Variants in BEND7 observed in about 807,000 individuals in gnomAD.
BEND7 encodes BEN domain containing 7, also known as BEN domain-containing protein 7.
In BEND7, 28 loss-of-function variants were observed where a neutral mutation model predicts 50.9. The observed-to-expected ratio is 0.55, with a 90% CI of 0.41 to 0.75. The LOEUF is 0.75. Among genes scored for constraint, BEND7 ranks in the 30% least tolerant of loss-of-function variants. The pLI is 0.00. For missense variants in BEND7, 477 were observed against 491.3 expected, an observed-to-expected ratio of 0.97 and a Z score of 0.28; for synonymous variants, 170 against 183.9, an observed-to-expected ratio of 0.92 and a Z score of 0.61.
intron 6 of BEND7, among the ~76,000 whole-genome samples, chr10:13,463,503 T>C (rs141037992): frequency 1.3e-4 from 20 of 152,182 alleles, no homozygotes; most frequent in African/African-American, 4.8e-4. Context: ...TATGAATCAG[T>C]CAAAAATGGA....
downstream of BEND7, chr10:13,438,811 A>T (rs569293285): frequency 1.8e-5 from 4 of 223,716 alleles, no homozygotes; most frequent in African/African-American, 4.6e-5. Context: ...AGAGCGCTGT[A>T]AAAGGCTCCT....
upstream of BEND7, among the ~76,000 whole-genome samples, chr10:13,529,448 TAGA>T (rs1271547310): frequency 1.3e-5 from 2 of 152,128 alleles, no homozygotes; most frequent in African/African-American, 2.4e-5. Context: ...GCGCTCTCTC[TAGA>T]AGGACAGAGA....
chr10:13,498,071 C>CTTTT (rs67255529), intron 3 of BEND7, among the ~76,000 whole-genome samples: 27 of 109,856 alleles, frequency 2.5e-4, no homozygotes, highest in African/African-American at 4.1e-4. Flanking sequence ...ATTTCTTTTT[C>CTTTT]TTTTTTTTTT....
At chr10:13,500,454 T>C in intron 2 of BEND7, 45 of 965,832 alleles carry the variant, frequency 4.7e-5, no homozygotes, top group Non-Finnish European at 5.6e-5. Context: ...CCCTCTGCTC[T>C]GATGGGCCAC....
chr10:13,450,216 T>G (rs1263755133), intron 7 of BEND7, among the ~76,000 whole-genome samples: 1 of 152,238 alleles, frequency 6.6e-6, no homozygotes, highest in African/African-American at 2.4e-5. Context: ...AGTGCAGGCT[T>G]CCTTAAGTGG....
intron 2 of BEND7, among the ~76,000 whole-genome samples, chr10:13,523,039 C>T (rs1304735133): frequency 6.6e-6 from 1 of 152,224 alleles, no homozygotes; most frequent in East Asian, 1.9e-4. Context: ...GTCCTGTCTC[C>T]TCCCCAGCTG....
At chr10:13,478,181 G>A (rs1334979314) in intron 6 of BEND7, among the ~76,000 whole-genome samples, 1 of 152,128 alleles carries the variant, frequency 6.6e-6, no homozygotes, top group African/African-American at 2.4e-5. Flanking sequence ...AATCTCTCTG[G>A]GTGTGGTGTC....
chr10:13,525,617 T>C lies in BEND7; in HGVS notation c.145+521A>G, dbSNP rs72785340. Among the ~76,000 whole-genome samples the C allele has an allele frequency of 8.4e-3, 1,273 of 152,308 alleles. 6 individuals are homozygous for C. Among genetic ancestry groups the C allele is most frequent in the Non-Finnish European group, 0.013 (883 of 68,028 alleles). On this transcript the variant is annotated intron_variant, in intron 2 of 8. Coordinates refer to ENST00000466271, the MANE Select transcript of BEND7 (RefSeq NM_001369863.1). ...CACACTTTTATTTTCCTTATGCTTT[T>C]TGACTGTAGATTTAATTTAATTTTG...
intron 6 of BEND7, among the ~76,000 whole-genome samples, chr10:13,474,425 TC>T (rs1429651394): frequency 6.6e-6 from 1 of 152,146 alleles, no homozygotes. Flanking sequence ...ACTGTTAGAC[TC>T]GGGGCCGATA....
intron 6 of BEND7, among the ~76,000 whole-genome samples, chr10:13,478,054 A>G (rs892641592): frequency 1.1e-4 from 16 of 152,196 alleles, no homozygotes; most frequent in Admixed American, 1.0e-3. Flanking sequence ...AGAAGCATAT[A>G]TACCCTCTTT....
intron 2 of BEND7, among the ~76,000 whole-genome samples, chr10:13,505,887 T>TA (rs1381987206): frequency 6.6e-6 from 1 of 151,936 alleles, no homozygotes; most frequent in Non-Finnish European, 1.5e-5. Flanking sequence ...CTTAAGTAAT[T>TA]AAAAAAACCC....
At chr10:13,488,574 G>C (rs371874831) in intron 5 of BEND7, among the ~76,000 whole-genome samples, 2 of 152,000 alleles carry the variant, frequency 1.3e-5, no homozygotes, top group African/African-American at 4.8e-5. Context: ...TGCAATCTTC[G>C]ACTCCCGGGT....
chr10:13,472,093 C>T (rs185635094), intron 6 of BEND7, among the ~76,000 whole-genome samples: 2 of 150,524 alleles, frequency 1.3e-5, no homozygotes, highest in East Asian at 4.0e-4. Context: ...GACTCGGGGT[C>T]GATACCCGTC....
chr10:13,500,541 C>T (rs1367793050), intron 2 of BEND7: 1 of 990,592 alleles, frequency 1.0e-6, no homozygotes, highest in Non-Finnish European at 1.2e-6. Flanking sequence ...GGGGCAAGGA[C>T]AAGGAAGAAA....
chr10:13,492,648 A>G lies in BEND7; in HGVS notation c.800T>C (p.Leu267Pro), dbSNP rs1254840361. 3.1e-6 allele frequency: 5 copies of G among 1,613,994 alleles called. No homozygotes were observed. In the African/African-American group the frequency reaches 6.7e-5, roughly 22 times the overall value. Reference sequence around the variant, plus strand: ...TGATTCCAGAACAATGCCGAATCCTAGAACGCGGCTCTCCTCCGGGGAGGT... The same window carrying G: ...TGATTCCAGAACAATGCCGAATCCTGGAACGCGGCTCTCCTCCGGGGAGGT... ...EHTSPEESRV[L>P]GFGIVLESPS... Residue 267 changes from leucine (L) to proline (P), a missense_variant, in exon 5 of 9, where the codon CTA (leucine) becomes CCA (proline). Transcript: ENST00000466271.
At chr10:13,454,959 G>A (rs1462157791) in intron 6 of BEND7, among the ~76,000 whole-genome samples, 2 of 151,896 alleles carry the variant, frequency 1.3e-5, no homozygotes, top group African/African-American at 4.8e-5. Flanking sequence ...ATCACTTGAG[G>A]TCAGGAGTTC....
At chr10:13,490,101 T>G (rs962593583) in intron 5 of BEND7, among the ~76,000 whole-genome samples, 5 of 152,230 alleles carry the variant, frequency 3.3e-5, no homozygotes, top group African/African-American at 9.6e-5. Context: ...TGATCTGCCA[T>G]GATTGACAGC....
intron 3 of BEND7, among the ~76,000 whole-genome samples, chr10:13,497,277 T>C (rs990179651): frequency 2.0e-5 from 3 of 152,184 alleles, no homozygotes; most frequent in Non-Finnish European, 4.4e-5. Flanking sequence ...AGGACAGCCT[T>C]GCAAAAAAAA....
intron 6 of BEND7, among the ~76,000 whole-genome samples, chr10:13,453,491 AT>A (rs1342711060): frequency 6.6e-6 from 1 of 152,216 alleles, no homozygotes; most frequent in African/African-American, 2.4e-5. Context: ...AAAAGAAAAT[AT>A]TGACAGATTC....
Sources: allele counts gnomAD v4.1 joint callset (sites outside exome capture counted in the v4.1 genomes callset), GRCh38; gene constraint gnomAD v4.1.1; transcripts MANE v1.5; gene names NCBI Gene and HGNC (gene_info 2026-07-23, HGNC 2026-07-21).